Variants in FASTKD2 observed in about 807,000 individuals in gnomAD.
The protein encoded by FASTKD2 is FAST kinase domain-containing protein 2, mitochondrial.
Under a neutral mutation model 63.6 loss-of-function variants are expected in FASTKD2, and 51 were observed. The ratio of observed to expected loss-of-function variants is 0.80; its 90% CI spans 0.64 to 1.01. The LOEUF (loss-of-function observed/expected upper bound fraction) is 1.01, where lower values mean the gene tolerates loss of function less well. FASTKD2 is among the 50% of genes least tolerant of loss of function. The probability of loss-of-function intolerance (pLI) is 0.00; values close to 1 mark genes in which losing one functional copy is unlikely to be tolerated. For synonymous variants in FASTKD2, 284 were observed against 293.4 expected (o/e 0.97, Z 0.33); for missense variants, 786 against 831.1 (o/e 0.95, Z 0.67).
At position 206,771,179 on chromosome 2, in the gene FASTKD2, C is replaced by CT. The variant is rs746901759; in HGVS notation, c.882-3_882-2insT. 6.7e-7 allele frequency: 1 copy of CT among 1,488,012 alleles called. No homozygotes were observed. The highest frequency in any genetic ancestry group is 1.7e-5 in the Admixed American group (1 of 59,878). The allele number at this position is 1,488,012 out of a possible 1,614,324, so 92.2% of individuals were successfully genotyped here. On this transcript the variant is annotated splice_polypyrimidine_tract_variant and splice_region_variant and intron_variant, in intron 3 of 11. Coordinates refer to ENST00000402774, the MANE Select transcript of FASTKD2 (RefSeq NM_001136193.2). ...TTTTAATATTTATTGTGTTTGATAA[C>CT]AGAATACTAGTTGATCAGCAAGTTT...
chr2:206,771,398 G>C, intron 4 of FASTKD2, 108 bp downstream of exon 4: 1 of 721,366 alleles, frequency 1.4e-6, no homozygotes, highest in Non-Finnish European at 2.5e-6. Flanking sequence ...TGGGCTTTTA[G>C]GTTTAGCTTC....
chr2:206,772,195 T>C lies in FASTKD2; in HGVS notation c.1129T>C (p.Cys377Arg). The C allele has an allele frequency of 6.2e-7, 1 of 1,612,662 alleles. No individual in the cohort carries two copies. The highest frequency in any genetic ancestry group is 8.5e-7 in the Non-Finnish European group (1 of 1,178,650). ...SKVVLDNIHGCPLRIMINILQ... is the reference protein window; with the variant it reads ...SKVVLDNIHGRPLRIMINILQ... ...CATTCTTCAAGATAATATCCATGGG[T>C]GTCCTTTAAGAATAATGATCAACAT... The change falls in exon 6 of 12, where the codon TGT (cysteine) becomes CGT (arginine). Residue 377 changes from cysteine to arginine, a missense_variant. By Grantham distance (180) the Cys-to-Arg change is radical (BLOSUM62 -3). Transcript: ENST00000402774.
Position 206,795,691 on chromosome 2 carries a change from A to G in FASTKD2, c.*3889A>G, listed in dbSNP as rs139556930. Among the ~76,000 whole-genome samples, 1 of 152,308 alleles carries G rather than the reference A, an allele frequency of 6.6e-6. No homozygotes were observed. Among genetic ancestry groups the G allele is most frequent in the African/African-American group, 2.4e-5 (1 of 41,568 alleles). Reference sequence around the variant, plus strand: ...TAGCTTCCTCTATGCAGATGTACCTACTTGAAACTGGGAAGGCCAAATGAG... The same window carrying G: ...TAGCTTCCTCTATGCAGATGTACCTGCTTGAAACTGGGAAGGCCAAATGAG... On this transcript the variant is annotated 3_prime_UTR_variant, in exon 12 of 12. Coordinates refer to ENST00000402774, the MANE Select transcript of FASTKD2 (RefSeq NM_001136193.2).
intron 2 of FASTKD2, among the ~76,000 whole-genome samples, chr2:206,768,157 A>G (rs1056589079): frequency 6.6e-6 from 1 of 152,174 alleles, no homozygotes; most frequent in Non-Finnish European, 1.5e-5. Flanking sequence ...GGCAATGGGA[A>G]TCCGTTGAAG....
chr2:206,771,847 A>G (rs1216051053), intron 4 of FASTKD2, 47 bp from the exon 5 acceptor site: 47 of 1,444,324 alleles, frequency 3.3e-5, no homozygotes, highest in Middle Eastern at 1.7e-4. Context: ...AGTTTAATTT[A>G]TTTTGTCACA....
chr2:206,774,994 T>G lies in FASTKD2; in HGVS notation c.1427+597T>G, dbSNP rs185938491. Among the ~76,000 whole-genome samples the G allele has an allele frequency of 2.1e-3, 324 of 152,212 alleles. 2 individuals carry two copies. The highest frequency in any genetic ancestry group is 7.7e-3 in the African/African-American group (320 of 41,580). On this transcript the variant is annotated intron_variant, in intron 7 of 11. Transcript: ENST00000402774. ...TAGATACTTTATATAAGTGGAGTCA[T>G]GCGGTATTTGTCCTTCTATGACTAG...
chr2:206,792,905 G>A lies in FASTKD2; in HGVS notation c.*1103G>A, dbSNP rs1690326811. On this transcript the variant is annotated 3_prime_UTR_variant, in exon 12 of 12. Transcript: ENST00000402774. The stretch of plus-strand genomic sequence containing the variant: ...AGTAGGGGAGGGCTGGAGTTTGAAT[G>A]TGAGCTAACATAGGCTTATAAGAAA... 6.6e-6 allele frequency among the ~76,000 whole-genome samples: 1 copy of A among 152,154 alleles called. No homozygotes were observed.
chr2:206,788,782 A>G (rs1690205018), intron 9 of FASTKD2, 37 bp from the exon 10 acceptor site: 3 of 995,772 alleles, frequency 3.0e-6, no homozygotes, highest in Non-Finnish European at 4.8e-6. Flanking sequence ...CACTTGGAGG[A>G]ATGTTTGAAA....
chr2:206,781,923 T>A (rs1349889238), intron 7 of FASTKD2, among the ~76,000 whole-genome samples: 1 of 152,104 alleles, frequency 6.6e-6, no homozygotes, highest in Non-Finnish European at 1.5e-5. Context: ...CTTGGACAGC[T>A]CACCAAAAGG....
At chr2:206,772,088 A>T (rs1689698805) in intron 5 of FASTKD2, 71 bp downstream of exon 5, 3 of 1,599,620 alleles carry the variant, frequency 1.9e-6, no homozygotes, top group Non-Finnish European at 2.6e-6. Context: ...GTTTTGTTTT[A>T]AAAACTTTGC....
intron 7 of FASTKD2, among the ~76,000 whole-genome samples, chr2:206,775,583 T>TG (rs1191162798): frequency 2.0e-4 from 30 of 150,338 alleles, no homozygotes; most frequent in African/African-American, 4.5e-4. Context: ...GTTTTTTGTT[T>TG]TTTTTGATGT....
At chr2:206,770,342 A>G in intron 3 of FASTKD2, 148 bp downstream of exon 3, 1 of 689,134 alleles carries the variant, frequency 1.5e-6, no homozygotes, top group Non-Finnish European at 2.6e-6. Context: ...TTCATACCTT[A>G]TTAAGCTTAA....
chr2:206,770,175 G>A lies in FASTKD2; in HGVS notation c.862G>A (p.Val288Ile). 10 of 1,606,062 alleles carry A rather than the reference G, an allele frequency of 6.2e-6. No homozygotes were observed. The highest frequency in any genetic ancestry group is 8.5e-6 in the Non-Finnish European group (10 of 1,172,668). Residue 288 changes from valine to isoleucine, a missense_variant, in exon 3 of 12, where the codon GTT becomes ATT. Physicochemically the swap from Val to Ile is conservative, Grantham distance 29. Coordinates refer to ENST00000402774, the MANE Select transcript of FASTKD2 (RefSeq NM_001136193.2). ...EAMEPCKNVH[V>I]LRTGFRILVD... is the part of the protein sequence containing the mutation. Reference sequence around the variant, plus strand: ...AATGGAACCATGCAAGAATGTTCATGTTCTACGAACGGGATTCAGGTGAGA... The same window carrying A: ...AATGGAACCATGCAAGAATGTTCATATTCTACGAACGGGATTCAGGTGAGA...
intron 7 of FASTKD2, among the ~76,000 whole-genome samples, chr2:206,783,556 G>A (rs1479138910): frequency 6.6e-6 from 1 of 152,030 alleles, no homozygotes; most frequent in Non-Finnish European, 1.5e-5. Context: ...CAAGCTAAGT[G>A]GTAATTAAAA....
intron 7 of FASTKD2, among the ~76,000 whole-genome samples, chr2:206,781,581 G>T (rs758893750): frequency 2.6e-5 from 4 of 151,702 alleles, no homozygotes; most frequent in Non-Finnish European, 5.9e-5. Flanking sequence ...CTCCCAAAGT[G>T]CTGGGATTAC....
intron 7 of FASTKD2, among the ~76,000 whole-genome samples, chr2:206,784,853 CCTT>C (rs1431352431): frequency 2.6e-5 from 4 of 152,290 alleles, no homozygotes; most frequent in East Asian, 1.9e-4. Flanking sequence ...ATAAGACAGT[CCTT>C]CTTGCCAGAG....
intron 8 of FASTKD2, 61 bp downstream of exon 8, chr2:206,786,960 C>T: frequency 2.0e-6 from 2 of 991,286 alleles, no homozygotes; most frequent in Admixed American, 2.0e-5. Flanking sequence ...CCACTAGCTA[C>T]CATATGACTC....
intron 10 of FASTKD2, chr2:206,789,592 C>G (rs1414619358): frequency 6.6e-6 from 1 of 151,392 alleles, no homozygotes; most frequent in Non-Finnish European, 1.5e-5. Flanking sequence ...CTCCACTGGA[C>G]ACACACACAC....
Position 206,768,580 on chromosome 2 carries a change from G to C in FASTKD2, c.777+1110G>C, listed in dbSNP as rs1014223099. Among the ~76,000 whole-genome samples, 6 of 152,096 alleles carry C rather than the reference G, an allele frequency of 3.9e-5. No individual in the cohort carries two copies. In the East Asian group the frequency reaches 1.2e-3, roughly 29 times the overall value. On this transcript the variant is annotated intron_variant, in intron 2 of 11. Transcript: ENST00000402774. Reference sequence around the variant, plus strand: ...GCTGGGTGTGATGTACTTGCCTGTGGTCCCAGCTACTTGGGAGGCTGAGGT... The same window carrying C: ...GCTGGGTGTGATGTACTTGCCTGTGCTCCCAGCTACTTGGGAGGCTGAGGT...
Sources: allele counts gnomAD v4.1 joint callset (sites outside exome capture counted in the v4.1 genomes callset), GRCh38; gene constraint gnomAD v4.1.1; transcripts MANE v1.5; gene names NCBI Gene and HGNC (gene_info 2026-07-23, HGNC 2026-07-21).